The following PDZRN3 variants were observed in gnomAD, a reference collection of about 807,000 sequenced individuals.
PDZRN3 encodes the protein PDZ domain containing ring finger 3, also known as E3 ubiquitin-protein ligase PDZRN3.
Under a neutral mutation model 85.7 loss-of-function variants are expected in PDZRN3, and 38 were observed. That is an observed-to-expected ratio of 0.44 (90% CI 0.34 to 0.58). The LOEUF (loss-of-function observed/expected upper bound fraction) is 0.58. Among genes scored for constraint, PDZRN3 ranks in the 20% least tolerant of loss-of-function variants. PDZRN3 has a pLI of 0.01. For missense variants in PDZRN3, 1,629 were observed against 1,506.4 expected, an observed-to-expected ratio of 1.08 and a Z score of -1.35; for synonymous variants, 759 against 638.0, an observed-to-expected ratio of 1.19 and a Z score of -2.86.
intron 3 of PDZRN3, among the ~76,000 whole-genome samples, chr3:73,473,236 T>C (rs373214068): frequency 1.0e-3 from 152 of 152,298 alleles, no homozygotes; most frequent in African/African-American, 3.3e-3. Flanking sequence ...AAAAACTCTT[T>C]CGCAGAAATA....
chr3:73,554,689 A>C (rs972809992), intron 3 of PDZRN3, among the ~76,000 whole-genome samples: 3 of 152,204 alleles, frequency 2.0e-5, no homozygotes, highest in African/African-American at 7.2e-5. Flanking sequence ...AAAATAAGCC[A>C]AATTCCACAA....
intron 3 of PDZRN3, among the ~76,000 whole-genome samples, chr3:73,508,603 G>A (rs1172292999): frequency 6.6e-6 from 1 of 152,170 alleles, no homozygotes; most frequent in Non-Finnish European, 1.5e-5. Context: ...CCTTAAGAAA[G>A]ATAAGCCAGG....
chr3:73,387,265 A>G (rs1701416457), intron 8 of PDZRN3, among the ~76,000 whole-genome samples: 1 of 152,154 alleles, frequency 6.6e-6, no homozygotes, highest in Non-Finnish European at 1.5e-5. Context: ...GAGATCTACT[A>G]CTGGATTGCC....
At chr3:73,455,636 GAAC>G (rs944665185) in intron 3 of PDZRN3, among the ~76,000 whole-genome samples, 3 of 152,194 alleles carry the variant, frequency 2.0e-5, no homozygotes, top group Admixed American at 1.3e-4. Context: ...TTCAAAAGAT[GAAC>G]AACCTTTATT....
intron 3 of PDZRN3, among the ~76,000 whole-genome samples, chr3:73,430,246 G>T (rs532494520): frequency 1.3e-5 from 2 of 152,088 alleles, no homozygotes; most frequent in Non-Finnish European, 2.9e-5. Flanking sequence ...GCATTGTGCC[G>T]GCACATAGTA....
intron 3 of PDZRN3, among the ~76,000 whole-genome samples, chr3:73,520,403 C>A (rs576529863): frequency 6.6e-6 from 1 of 152,150 alleles, no homozygotes; most frequent in African/African-American, 2.4e-5. Flanking sequence ...ACTTTGGAGG[C>A]TGAGGCAGGA....
At chr3:73,572,821 G>T (rs1448347429) in intron 3 of PDZRN3, among the ~76,000 whole-genome samples, 1 of 152,132 alleles carries the variant, frequency 6.6e-6, no homozygotes, top group South Asian at 2.1e-4. Flanking sequence ...TCCTGCATTT[G>T]GGAAAACTAT....
At position 73,384,820 on chromosome 3, in the gene PDZRN3, CTCG is replaced by C; in HGVS notation, c.1743_1745del (p.Asp581del). 6 of 1,614,154 alleles carry C rather than the reference CTCG, an allele frequency of 3.7e-6. No homozygotes were observed. The highest frequency in any genetic ancestry group is 2.2e-5 in the East Asian group (1 of 44,888). ...CGCCATTGTTCTCTTGCTCCGAGCTCTCGTCATTACGGGTGCTCTCGTCGGTCC... is the reference window on the plus strand; with the variant it reads ...CGCCATTGTTCTCTTGCTCCGAGCTCTCATTACGGGTGCTCTCGTCGGTCC... On this transcript the variant is annotated inframe_deletion, in exon 10 of 10. Coordinates refer to ENST00000263666, the MANE Select transcript of PDZRN3 (RefSeq NM_015009.3).
Position 73,401,029 on chromosome 3 carries a change from C to A in PDZRN3, c.1167-20G>T. 6.5e-7 allele frequency: 1 copy of A among 1,530,558 alleles called. No homozygotes were observed. The highest frequency in any genetic ancestry group is 9.1e-7 in the Non-Finnish European group (1 of 1,103,972). 94.8% of individuals were successfully genotyped at this position (1,530,558 alleles called of 1,614,324 possible). A position where few individuals can be genotyped will look rare whatever the true frequency, so the allele number is the denominator to read the frequency against. ...GGATGCCTGAAAAGAGATGCAACAT[C>A]TTTACAGCCCTTCTTCCGTTGTCAG... On this transcript the variant is annotated intron_variant, in intron 4 of 9. Transcript: ENST00000263666.
At chr3:73,431,351 G>C (rs948517144) in intron 3 of PDZRN3, among the ~76,000 whole-genome samples, 2 of 152,184 alleles carry the variant, frequency 1.3e-5, no homozygotes, top group African/African-American at 4.8e-5. Flanking sequence ...GCTTGCCAAT[G>C]GCCCTAATGA....
At chr3:73,485,404 AAAG>A (rs1277387772) in intron 3 of PDZRN3, among the ~76,000 whole-genome samples, 1 of 151,798 alleles carries the variant, frequency 6.6e-6, no homozygotes, top group Non-Finnish European at 1.5e-5. Context: ...CTTCTTTACA[AAAG>A]AAGACCCTTA....
chr3:73,431,442 G>C (rs1215324120), intron 3 of PDZRN3, among the ~76,000 whole-genome samples: 1 of 152,340 alleles, frequency 6.6e-6, no homozygotes, highest in Non-Finnish European at 1.5e-5. Flanking sequence ...TTGTGCTGCT[G>C]TTACGAGGGC....
chr3:73,513,408 T>C (rs1704202524), intron 3 of PDZRN3, among the ~76,000 whole-genome samples: 1 of 152,236 alleles, frequency 6.6e-6, no homozygotes, highest in South Asian at 2.1e-4. Context: ...CCATAAAAGA[T>C]GGTCGTTAGA....
rs747102990 is a variant in PDZRN3, at chr3:73,624,685, C to T, written c.141G>A (p.Val47=). 72 of 1,529,500 alleles carry T rather than the reference C, an allele frequency of 4.7e-5. No homozygotes were observed. Among genetic ancestry groups the T allele is most frequent in the Middle Eastern group, 1.7e-4 (1 of 5,954 alleles). 94.7% of individuals were successfully genotyped at this position (1,529,500 alleles called of 1,614,324 possible). ...AGCGCGCCGGGCAGCTGCCCTCCTGCACCACCCAGGGCAGCACGCAGCCGG... is the reference window on the plus strand; with the variant it reads ...AGCGCGCCGGGCAGCTGCCCTCCTGTACCACCCAGGGCAGCACGCAGCCGG... ...FCAGCVLPWV[V]QEGSCPARCR... is the part of the protein sequence containing the mutation. The change falls in exon 1 of 10, where the codon GTG becomes GTA. Residue 47 remains valine, a synonymous_variant. Transcript: ENST00000263666.
chr3:73,558,176 T>A (rs1008770935), intron 3 of PDZRN3, among the ~76,000 whole-genome samples: 6 of 150,988 alleles, frequency 4.0e-5, no homozygotes, highest in South Asian at 4.2e-4. Flanking sequence ...GCAAATAAAA[T>A]CTTTGGCTAG....
intron 3 of PDZRN3, among the ~76,000 whole-genome samples, chr3:73,415,950 G>C (rs538408031): frequency 6.9e-6 from 1 of 144,386 alleles, no homozygotes; most frequent in African/African-American, 2.6e-5. Flanking sequence ...CTGGACATTT[G>C]CCAAGAGAGT....
At chr3:73,602,216 C>T in intron 3 of PDZRN3, 138 bp downstream of exon 3, 1 of 633,996 alleles carries the variant, frequency 1.6e-6, no homozygotes, top group Non-Finnish European at 2.8e-6. Flanking sequence ...TCTGGTCCCA[C>T]ACAATGGGAA....
chr3:73,590,900 C>T (rs1339095830), intron 3 of PDZRN3, among the ~76,000 whole-genome samples: 6 of 152,204 alleles, frequency 3.9e-5, no homozygotes, highest in African/African-American at 1.4e-4. Context: ...TCTCCCTCTT[C>T]ATTTAAACTA....
intron 7 of PDZRN3, among the ~76,000 whole-genome samples, chr3:73,389,559 C>A (rs1004312788): frequency 6.6e-6 from 1 of 152,054 alleles, no homozygotes; most frequent in Non-Finnish European, 1.5e-5. Context: ...GGAGAACTGG[C>A]TCAAATTTTG....
Sources: gnomAD v4.1 joint callset for allele counts (sites outside exome capture counted in the v4.1 genomes callset) on GRCh38, gnomAD v4.1.1 for gene constraint, MANE v1.5 for transcripts, NCBI Gene and HGNC (gene_info 2026-07-23, HGNC 2026-07-21) for gene names.